The following LARP1 variants were observed in gnomAD, a reference collection of about 807,000 sequenced individuals.
LARP1 encodes la-related protein 1.
In LARP1, 36 loss-of-function variants were observed where a neutral mutation model predicts 122.7. That is an observed-to-expected ratio of 0.29 (90% CI 0.22 to 0.39). The LOEUF (loss-of-function observed/expected upper bound fraction) is 0.39, where lower values mean the gene tolerates loss of function less well. LARP1 is among the 10% of genes least tolerant of loss of function. LARP1 has a pLI of 1.00. For missense variants in LARP1, 1,040 were observed against 1,403.6 expected (o/e 0.74, Z 4.14); for synonymous variants, 539 against 528.7 (o/e 1.02, Z -0.27).
At chr5:154,754,460 A>C (rs1428646429), upstream of LARP1, among the ~76,000 whole-genome samples, 2 of 152,208 alleles carry the variant, frequency 1.3e-5, no homozygotes, top group East Asian at 3.8e-4. Flanking sequence ...CCAGGATAAA[A>C]TCTCAGATCT....
At chr5:154,731,464 C>G (rs1756563387) in intron 1 of LARP1, among the ~76,000 whole-genome samples, 1 of 152,164 alleles carries the variant, frequency 6.6e-6, no homozygotes, top group African/African-American at 2.4e-5. Context: ...TATACACCCC[C>G]TAGAGCAAAA....
At chr5:154,702,416 C>T (rs1320365130) in intron 1 of LARP1, among the ~76,000 whole-genome samples, 5 of 151,742 alleles carry the variant, frequency 3.3e-5, no homozygotes, top group East Asian at 1.9e-4. Context: ...ATTTCCCGGG[C>T]GTGGTGGTGG....
intron 1 of LARP1, among the ~76,000 whole-genome samples, chr5:154,693,105 G>A (rs1423673175): frequency 1.3e-5 from 2 of 151,326 alleles, no homozygotes; most frequent in African/African-American, 2.4e-5. Flanking sequence ...GATTACAGGT[G>A]TGAGCCACTG....
At chr5:154,722,670 T>G (rs1053632228) in intron 1 of LARP1, among the ~76,000 whole-genome samples, 1 of 141,012 alleles carries the variant, frequency 7.1e-6, no homozygotes, top group Non-Finnish European at 1.5e-5. Flanking sequence ...CTCATGCATC[T>G]TTCCTAGGTT....
rs1753871277 is a variant in LARP1 at position 154,756,161 on chromosome 5, T to C, written c.404T>C (p.Val135Ala). 2.3e-6 allele frequency: 3 copies of C among 1,315,176 alleles called. No individual in the cohort carries two copies. Among genetic ancestry groups the C allele is most frequent in the East Asian group, 6.6e-5 (1 of 15,170 alleles). 81.5% of individuals were successfully genotyped at this position (1,315,176 alleles called of 1,614,324 possible). A position where few individuals can be genotyped will look rare whatever the true frequency, so the allele number is the denominator to read the frequency against. ...NPWTKNALPP[V>A]LTTVNGQSPP... is the part of the protein sequence containing the mutation. ...TGGACTAAGAACGCATTGCCGCCGG[T>C]CCTGACCACCGTGAACGGACAGTCC... is the stretch of plus-strand genomic sequence containing the variant. Residue 135 changes from valine (V) to alanine (A), a missense_variant, in exon 1 of 19, where the codon GTC (valine) becomes GCC (alanine). Around this residue, in one of 8 missense-constraint regions of LARP1, gnomAD observed 257 missense variants for 273.3 expected, o/e 0.94. Transcript: ENST00000518297.
intron 1 of LARP1, among the ~76,000 whole-genome samples, chr5:154,707,122 C>T (rs1211833659): frequency 6.6e-6 from 1 of 152,046 alleles, no homozygotes; most frequent in African/African-American, 2.4e-5. Context: ...CCAAATTGCT[C>T]TCAAAAGTTG....
At position 154,802,991 on chromosome 5, in the gene LARP1, C is replaced by T. The variant is rs1758464853; in HGVS notation, c.2110-299C>T. On this transcript the variant is annotated intron_variant, in intron 11 of 18. Coordinates refer to ENST00000518297, the MANE Select transcript of LARP1 (RefSeq NM_033551.3). The surrounding 1 kb of genome is among the most constrained non-coding windows in gnomAD (Gnocchi z 5.1). Reference sequence around the variant, plus strand: ...AGTAGCAGAAAGAGAGATGGGGAAACACTGGAGCTTTCAGGGGGGAGTGTG... The same window carrying T: ...AGTAGCAGAAAGAGAGATGGGGAAATACTGGAGCTTTCAGGGGGGAGTGTG... 6.6e-6 allele frequency among the ~76,000 whole-genome samples: 1 copy of T among 152,134 alleles called. No individual in the cohort carries two copies. Among genetic ancestry groups the T allele is most frequent in the Non-Finnish European group, 1.5e-5 (1 of 68,034 alleles).
chr5:154,769,284 A>G (rs760580283), intron 1 of LARP1, among the ~76,000 whole-genome samples: 4 of 152,222 alleles, frequency 2.6e-5, no homozygotes, highest in Non-Finnish European at 4.4e-5. Context: ...CTTTAGGTGA[A>G]GAGTGCCACA....
Position 154,815,348 on chromosome 5 carries a change from C to T in LARP1, c.*1252C>T, listed in dbSNP as rs896404802. 2 of 152,564 alleles carry T rather than the reference C, an allele frequency of 1.3e-5. No homozygotes were observed. Among genetic ancestry groups the T allele is most frequent in the Non-Finnish European group, 2.9e-5 (2 of 68,066 alleles). 9.5% of individuals were successfully genotyped at this position (152,564 alleles called of 1,614,324 possible). On this transcript the variant is annotated 3_prime_UTR_variant, in exon 19 of 19. Transcript: ENST00000518297. ...ACCCTTCATCCTACCCTTGGAACCC[C>T]AAGGCCAAGTTGGTTCAAACTGTTG...
chr5:154,811,651 CTCTT>C lies in LARP1; in HGVS notation c.3081+15_3081+18del, dbSNP rs1373229958. The C allele has an allele frequency of 6.2e-7, 1 of 1,613,962 alleles. No individual in the cohort carries two copies. Among genetic ancestry groups the C allele is most frequent in the Non-Finnish European group, 8.5e-7 (1 of 1,179,984 alleles). ...GACTTCCGAGTAGATGTAAGTGAAA[CTCTT>C]TCTCTAACTCTGCTTGTCCTGGAAA... On this transcript the variant is annotated intron_variant, in intron 18 of 18. Transcript: ENST00000518297.
At chr5:154,784,919 TTAG>T (rs1174603917) in intron 1 of LARP1, among the ~76,000 whole-genome samples, 28 of 152,322 alleles carry the variant, frequency 1.8e-4, no homozygotes, top group African/African-American at 6.3e-4. Context: ...GGTTATGGGT[TTAG>T]TAGGCTGAGA....
Position 154,683,618 on chromosome 5 carries a change from C to T in LARP1, c.-180+581C>T, listed in dbSNP as rs115963634. Among the ~76,000 whole-genome samples, 1,110 of 152,238 alleles carry T rather than the reference C, an allele frequency of 7.3e-3. 16 individuals carry two copies. The highest frequency in any genetic ancestry group is 0.025 in the African/African-American group (1,029 of 41,526). Reference sequence around the variant, plus strand: ...ACTTCCTTTGTGTTTCCTGCCAGGCCTCATATGGAATGATTCCTAGTCTAG... The same window carrying T: ...ACTTCCTTTGTGTTTCCTGCCAGGCTTCATATGGAATGATTCCTAGTCTAG... On this transcript the variant is annotated intron_variant, in intron 1 of 18. Coordinates refer to the LARP1 transcript ENST00000687700.
chr5:154,742,867 G>T (rs528536142), intron 1 of LARP1, among the ~76,000 whole-genome samples: 10 of 152,166 alleles, frequency 6.6e-5, no homozygotes, highest in Admixed American at 1.3e-4. Flanking sequence ...GGTCTCCTAG[G>T]AAGTAGCAAT....
intron 1 of LARP1, among the ~76,000 whole-genome samples, chr5:154,785,000 A>G (rs778457150): frequency 5.9e-5 from 9 of 152,334 alleles, no homozygotes; most frequent in South Asian, 4.1e-4. Context: ...CTGAATTTCA[A>G]CTGAAAGGGA....
chr5:154,792,856 G>C (rs986310243), intron 4 of LARP1, 60 bp downstream of exon 4: 1 of 1,530,258 alleles, frequency 6.5e-7, no homozygotes, highest in Middle Eastern at 2.2e-4. Context: ...GAAATGTCAG[G>C]ACTCCAGGGG....
intron 1 of LARP1, among the ~76,000 whole-genome samples, chr5:154,769,011 G>C: frequency 6.6e-6 from 1 of 152,096 alleles, no homozygotes; most frequent in Non-Finnish European, 1.5e-5. Context: ...CTAATTTTTT[G>C]TATTTTTAGT....
At chr5:154,698,025 G>C (rs75614987) in intron 1 of LARP1, among the ~76,000 whole-genome samples, 2 of 150,848 alleles carry the variant, frequency 1.3e-5, no homozygotes, top group Non-Finnish European at 2.9e-5. Context: ...GAGGTTGGGT[G>C]GTTTTTTTTT....
intron 1 of LARP1, among the ~76,000 whole-genome samples, chr5:154,767,624 G>A (rs1336076077): frequency 6.6e-6 from 1 of 152,226 alleles, no homozygotes; most frequent in Non-Finnish European, 1.5e-5. Flanking sequence ...GAATGTCAGA[G>A]ATGAGTTCAG....
At chr5:154,774,022 G>A (rs1431026120) in intron 1 of LARP1, among the ~76,000 whole-genome samples, 2 of 151,644 alleles carry the variant, frequency 1.3e-5, no homozygotes, top group Non-Finnish European at 2.9e-5. Context: ...CGTCATGCAG[G>A]TTTGAGATTT....
Sources: allele counts gnomAD v4.1 joint callset (sites outside exome capture counted in the v4.1 genomes callset), GRCh38; gene constraint gnomAD v4.1.1; regional missense constraint gnomAD v4.1.1; non-coding constraint Gnocchi (gnomAD v3.1); transcripts MANE v1.5; gene names NCBI Gene and HGNC (gene_info 2026-07-23, HGNC 2026-07-21).